GUCA1C: variants seen among roughly 807,000 people sequenced by gnomAD.
GUCA1C encodes guanylate cyclase activator 1C.
GUCA1C carries 15 observed loss-of-function variants against 16.2 expected under a neutral mutation model. The ratio of observed to expected loss-of-function variants is 0.93; its 90% CI spans 0.62 to 1.43. GUCA1C has a LOEUF of 1.43. GUCA1C is among the 40% of genes most tolerant of loss of function. The probability of loss-of-function intolerance (pLI) is 0.00; values close to 1 mark genes in which losing one functional copy is unlikely to be tolerated. For missense variants in GUCA1C, 275 were observed against 244.8 expected, an observed-to-expected ratio of 1.12 and a Z score of -0.82; for synonymous variants, 78 against 85.4, an observed-to-expected ratio of 0.91 and a Z score of 0.48.
chr3:108,926,014 G>A (rs1171941990), intron 1 of GUCA1C, among the ~76,000 whole-genome samples: 2 of 152,050 alleles, frequency 1.3e-5, no homozygotes, highest in Admixed American at 6.5e-5. Context: ...TTGAACCCAG[G>A]AGGCAGATGT....
chr3:108,937,802 G>A (rs1312143963), intron 1 of GUCA1C, among the ~76,000 whole-genome samples: 1 of 152,168 alleles, frequency 6.6e-6, no homozygotes, highest in East Asian at 1.9e-4. Flanking sequence ...GGGGAACGCG[G>A]TGGCTCAAGC....
Position 108,943,402 on chromosome 3 carries a change from T to C in GUCA1C, c.204+10157A>G, listed in dbSNP as rs1439206413. ...ACTGGGAGAAAAGGCTGTAGGTGTATGTGGCCAGAGAAGCCTGACCCAGAC... is the reference window on the plus strand; with the variant it reads ...ACTGGGAGAAAAGGCTGTAGGTGTACGTGGCCAGAGAAGCCTGACCCAGAC... On this transcript the variant is annotated intron_variant, in intron 1 of 3. Transcript: ENST00000261047. 2.0e-5 allele frequency among the ~76,000 whole-genome samples: 3 copies of C among 152,148 alleles called. No individual in the cohort carries two copies. The East Asian group carries it at 5.8e-4, about 29-fold the overall frequency.
At position 108,909,352 on chromosome 3, in the gene GUCA1C, T is replaced by A. The variant is rs76166359; in HGVS notation, c.443-1143A>T. On this transcript the variant is annotated intron_variant, in intron 3 of 3. Coordinates refer to ENST00000261047, the MANE Select transcript of GUCA1C (RefSeq NM_005459.4). Reference sequence around the variant, plus strand: ...GTGTGTCACAGAAAAGGTACAATCGTAGAATAAACCATAGGGAGTAGAGAA... The same window carrying A: ...GTGTGTCACAGAAAAGGTACAATCGAAGAATAAACCATAGGGAGTAGAGAA... Among the ~76,000 whole-genome samples the A allele has an allele frequency of 4.1e-4, 63 of 152,268 alleles. 2 individuals are homozygous for A. The East Asian group carries it at 0.012, about 28-fold the overall frequency.
Position 108,920,358 on chromosome 3 carries a change from C to CT in GUCA1C, c.354+77dup, listed in dbSNP as rs1946557134. 1.2e-5 allele frequency: 12 copies of CT among 1,033,546 alleles called. No individual in the cohort carries two copies. In the South Asian group the frequency reaches 1.5e-4, roughly 13 times the overall value. The allele number at this position is 1,033,546 out of a possible 1,614,324, so 64.0% of individuals were successfully genotyped here. A position where few individuals can be genotyped will look rare whatever the true frequency, so the allele number is the denominator to read the frequency against. On this transcript the variant is annotated intron_variant, in intron 2 of 3. Coordinates refer to ENST00000261047, the MANE Select transcript of GUCA1C (RefSeq NM_005459.4). ...CCAAAATAGCCAACCCCATAGACAGCTGTTACCTACTCCATAGGAAGGGAA... is the reference window on the plus strand; with the variant it reads ...CCAAAATAGCCAACCCCATAGACAGCTTGTTACCTACTCCATAGGAAGGGAA...
rs763682675 is a variant in GUCA1C, at chr3:108,920,457, A to AT, written c.332dup (p.Asn111LysfsTer2). 6.2e-7 allele frequency: 1 copy of AT among 1,608,936 alleles called. No individual in the cohort carries two copies. The highest frequency in any genetic ancestry group is 8.5e-7 in the Non-Finnish European group (1 of 1,175,582). On this transcript the variant is annotated frameshift_variant, in exon 2 of 4. Coordinates refer to ENST00000261047, the MANE Select transcript of GUCA1C (RefSeq NM_005459.4). LOFTEE classifies it high-confidence loss of function. ...TTACCATGAACATGTCCAGTAGTTC[A>AT]TTTTTGTCAATAGAACCATTTCCAT... is the stretch of plus-strand genomic sequence containing the variant.
intron 1 of GUCA1C, among the ~76,000 whole-genome samples, chr3:108,936,093 C>G (rs550675549): frequency 6.6e-6 from 1 of 151,906 alleles, no homozygotes; most frequent in Admixed American, 6.6e-5. Context: ...GGTGAAGCCC[C>G]GTCTCTACAA....
intron 3 of GUCA1C, among the ~76,000 whole-genome samples, chr3:108,909,159 G>A (rs1946422492): frequency 6.6e-6 from 1 of 152,164 alleles, no homozygotes; most frequent in Admixed American, 6.5e-5. Flanking sequence ...ATGTCAAACA[G>A]CATGCATCAT....
chr3:108,944,397 AG>A (rs1389420825), intron 1 of GUCA1C, among the ~76,000 whole-genome samples: 2 of 152,208 alleles, frequency 1.3e-5, no homozygotes, highest in African/African-American at 4.8e-5. Flanking sequence ...GGAACATCTA[AG>A]CCCCTGTCCC....
At chr3:108,919,061 A>T (rs1946546534) in intron 2 of GUCA1C, among the ~76,000 whole-genome samples, 1 of 152,050 alleles carries the variant, frequency 6.6e-6, no homozygotes, top group Admixed American at 6.6e-5. Context: ...TGTTTTCTCC[A>T]CTTACACCCT....
Position 108,953,852 on chromosome 3 carries a change from C to A in GUCA1C, c.-90G>T. On this transcript the variant is annotated 5_prime_UTR_variant, in exon 1 of 4. Transcript: ENST00000261047. ...CCTTACTCCTCACTAAAACTGAAGG[C>A]TAACATATGCCCTCAGAAAGCTACT... 1.2e-6 allele frequency: 1 copy of A among 820,022 alleles called. No individual in the cohort carries two copies. Among genetic ancestry groups the A allele is most frequent in the South Asian group, 1.5e-5 (1 of 67,824 alleles). 50.8% of individuals were successfully genotyped at this position (820,022 alleles called of 1,614,324 possible).
At chr3:108,934,600 A>G (rs960832595) in intron 1 of GUCA1C, among the ~76,000 whole-genome samples, 1 of 152,194 alleles carries the variant, frequency 6.6e-6, no homozygotes, top group Non-Finnish European at 1.5e-5. Context: ...ACAATAGCAA[A>G]GACAAGGAAT....
rs146024639 is a variant in GUCA1C, at chr3:108,953,665, C to T, written c.98G>A (p.Gly33Asp). ...YRTFMMEYPS[G>D]LQTLHEFKTL... is the part of the protein sequence containing the mutation. ...CTTAAATTCATGTAGTGTTTGCAGGCCGGATGGATATTCCATCATAAATGT... is the reference window on the plus strand; with the variant it reads ...CTTAAATTCATGTAGTGTTTGCAGGTCGGATGGATATTCCATCATAAATGT... The change falls in exon 1 of 4, where the codon GGC becomes GAC. Residue 33 changes from glycine (G) to aspartate (D), a missense_variant. By Grantham distance (94) the Gly-to-Asp change is moderately conservative. Transcript: ENST00000261047. 5.6e-5 allele frequency: 90 copies of T among 1,611,110 alleles called. No individual in the cohort carries two copies. The highest frequency in any genetic ancestry group is 7.1e-5 in the Non-Finnish European group (84 of 1,177,376).
At chr3:108,952,864 C>T (rs578002163) in intron 1 of GUCA1C, among the ~76,000 whole-genome samples, 1 of 151,642 alleles carries the variant, frequency 6.6e-6, no homozygotes, top group Non-Finnish European at 1.5e-5. Flanking sequence ...TTTTTTGTCT[C>T]TCTTTTTTTT....
chr3:108,952,123 C>T (rs1946901272), intron 1 of GUCA1C, among the ~76,000 whole-genome samples: 2 of 152,342 alleles, frequency 1.3e-5, no homozygotes, highest in African/African-American at 4.8e-5. Context: ...GAGCAACAGA[C>T]TTTCATCCTG....
At chr3:108,916,719 G>A (rs1449412818) in intron 2 of GUCA1C, among the ~76,000 whole-genome samples, 1 of 152,126 alleles carries the variant, frequency 6.6e-6, no homozygotes, top group Non-Finnish European at 1.5e-5. Flanking sequence ...ATACACCTTA[G>A]AAGGGCCCTG....
At chr3:108,944,633 A>G (rs1211846744) in intron 1 of GUCA1C, among the ~76,000 whole-genome samples, 1 of 152,120 alleles carries the variant, frequency 6.6e-6, no homozygotes, top group African/African-American at 2.4e-5. Context: ...ATAAGCCCCT[A>G]ATGCAACCCC....
At chr3:108,946,306 G>GT (rs563142709) in intron 1 of GUCA1C, among the ~76,000 whole-genome samples, 46 of 150,646 alleles carry the variant, frequency 3.1e-4, no homozygotes, top group Non-Finnish European at 5.7e-4. Flanking sequence ...TTTTTTGTGC[G>GT]TTTTTTTTAG....
rs1559841705 is a variant in GUCA1C, at chr3:108,920,425, A to T, written c.354+11T>A. ...AGCGGCCTGAAAAGGATACTTTACT[A>T]CTTCACTTACCATGAACATGTCCAG... On this transcript the variant is annotated intron_variant, in intron 2 of 3. Transcript: ENST00000261047. 6.3e-7 allele frequency: 1 copy of T among 1,599,988 alleles called. No homozygotes were observed. Among genetic ancestry groups the T allele is most frequent in the East Asian group, 2.2e-5 (1 of 44,730 alleles).
intron 2 of GUCA1C, 72 bp from the exon 3 acceptor site, chr3:108,916,286 G>T: frequency 2.1e-6 from 3 of 1,434,628 alleles, no homozygotes; most frequent in East Asian, 2.3e-5. Context: ...TTTCTGCTCC[G>T]ATGTGACAGA....
Sources: gnomAD v4.1 joint callset for allele counts (sites outside exome capture counted in the v4.1 genomes callset) on GRCh38, gnomAD v4.1.1 for gene constraint, MANE v1.5 for transcripts, NCBI Gene and HGNC (gene_info 2026-07-23, HGNC 2026-07-21) for gene names.